The following PDE5A variants were observed in gnomAD, a reference collection of about 807,000 sequenced individuals.
PDE5A encodes phosphodiesterase 5A.
A neutral mutation model predicts 110.2 loss-of-function variants in PDE5A; 67 were observed. That is an observed-to-expected ratio of 0.61 (90% CI 0.50 to 0.75). The LOEUF (loss-of-function observed/expected upper bound fraction) is 0.75. PDE5A is among the 30% of genes least tolerant of loss of function. PDE5A has a pLI of 0.00. For missense variants in PDE5A, 862 were observed against 1,045.1 expected (o/e 0.82, Z 2.42); for synonymous variants, 328 against 351.2 (o/e 0.93, Z 0.74).
chr4:119,592,786 T>A (rs1729024610), intron 3 of PDE5A, among the ~76,000 whole-genome samples: 1 of 152,084 alleles, frequency 6.6e-6, no homozygotes, highest in South Asian at 2.1e-4. Flanking sequence ...TTTCATCTCA[T>A]GAAATGCTTA....
intron 1 of PDE5A, among the ~76,000 whole-genome samples, chr4:119,621,649 GACA>G (rs1730147362): frequency 1.4e-4 from 1 of 7,358 alleles, no homozygotes; most frequent in South Asian, 7.6e-3. Flanking sequence ...TAGATAGATA[GACA>G]GACAGATAGA....
intron 3 of PDE5A, among the ~76,000 whole-genome samples, chr4:119,593,974 C>T (rs1308299094): frequency 5.9e-5 from 9 of 152,160 alleles, no homozygotes; most frequent in South Asian, 2.1e-4. Context: ...CTCACTATCA[C>T]GAACAGCATG....
At chr4:119,599,098 G>A (rs947349751) in intron 2 of PDE5A, among the ~76,000 whole-genome samples, 6 of 152,130 alleles carry the variant, frequency 3.9e-5, no homozygotes, top group African/African-American at 1.4e-4. Context: ...ATACCATATA[G>A]TTGGGGGTAC....
chr4:119,607,252 A>G lies in PDE5A; in HGVS notation c.198T>C (p.Pro66=). The change falls in exon 2 of 21, where the codon CCT becomes CCC. Residue 66 remains proline, a synonymous_variant. Coordinates refer to ENST00000354960, the MANE Select transcript of PDE5A (RefSeq NM_001083.4). ...GGCCTCTGATACCTTCCTTGCACACAGGGATGGTGTGAACTCTCTCAGCAA... is the reference window on the plus strand; with the variant it reads ...GGCCTCTGATACCTTCCTTGCACACGGGGATGGTGTGAACTCTCTCAGCAA... ...AWFAERVHTI[P]VCKEGIRGHT... 1.2e-6 allele frequency: 2 copies of G among 1,613,480 alleles called. No homozygotes were observed. The highest frequency in any genetic ancestry group is 2.2e-5 in the South Asian group (2 of 91,084).
At chr4:119,565,279 T>A (rs778044057) in intron 5 of PDE5A, 42 bp downstream of exon 5, 2 of 1,354,272 alleles carry the variant, frequency 1.5e-6, no homozygotes, top group Non-Finnish European at 2.1e-6. Flanking sequence ...TAACAATTTT[T>A]AAAAAGTATT....
intron 17 of PDE5A, 27 bp from the exon 18 acceptor site, chr4:119,504,626 C>T (rs1414647520): frequency 1.3e-6 from 2 of 1,588,446 alleles, no homozygotes; most frequent in African/African-American, 2.7e-5. Context: ...AAACCCAAAA[C>T]TCCTATTTAC....
At chr4:119,521,615 A>G (rs1270353228) in intron 12 of PDE5A, among the ~76,000 whole-genome samples, 2 of 151,626 alleles carry the variant, frequency 1.3e-5, no homozygotes, top group Non-Finnish European at 3.0e-5. Flanking sequence ...GAGCTACAAG[A>G]CAATGCCGTC....
intron 6 of PDE5A, among the ~76,000 whole-genome samples, chr4:119,561,888 A>G (rs1167315696): frequency 6.6e-6 from 1 of 152,206 alleles, no homozygotes; most frequent in Non-Finnish European, 1.5e-5. Flanking sequence ...ATCTAAATCA[A>G]CTAAAATTTC....
In PDE5A at chr4:119,507,597, A is replaced by AACTT; in HGVS notation, c.2189+3_2189+6dup. 1 of 1,516,828 alleles carries AACTT rather than the reference A, an allele frequency of 6.6e-7. No homozygotes were observed. Among genetic ancestry groups the AACTT allele is most frequent in the Non-Finnish European group, 9.0e-7 (1 of 1,115,662 alleles). 94.0% of individuals were successfully genotyped at this position (1,516,828 alleles called of 1,614,324 possible). A position where few individuals can be genotyped will look rare whatever the true frequency, so the allele number is the denominator to read the frequency against. On this transcript the variant is annotated splice_region_variant and intron_variant, in intron 16 of 20. Coordinates refer to ENST00000354960, the MANE Select transcript of PDE5A (RefSeq NM_001083.4). ...ACCTATTTCTCAGGTTATTTCTTAA[A>AACTT]ACTTACTTAATGTACAGTGCTAGGT...
intron 2 of PDE5A, among the ~76,000 whole-genome samples, chr4:119,597,093 T>C (rs549642291): frequency 1.3e-5 from 2 of 152,238 alleles, no homozygotes; most frequent in South Asian, 4.1e-4. Context: ...TATACACATA[T>C]ATACACAATC....
chr4:119,582,141 C>G (rs1222876099), intron 3 of PDE5A, among the ~76,000 whole-genome samples: 1 of 152,222 alleles, frequency 6.6e-6, no homozygotes, highest in Non-Finnish European at 1.5e-5. Flanking sequence ...CACAGTAGAA[C>G]TTCTTTCAAA....
chr4:119,545,407 A>G (rs1281916289), intron 9 of PDE5A, among the ~76,000 whole-genome samples: 1 of 152,222 alleles, frequency 6.6e-6, no homozygotes, highest in East Asian at 1.9e-4. Context: ...AGAATAATTT[A>G]TATTTAAAAA....
chr4:119,526,556 AC>A (rs1726326430), intron 11 of PDE5A, among the ~76,000 whole-genome samples: 1 of 152,132 alleles, frequency 6.6e-6, no homozygotes, highest in Admixed American at 6.6e-5. Context: ...AACTGGACCA[AC>A]GGAGGCCTTT....
chr4:119,558,866 G>A (rs1384504841), intron 7 of PDE5A, among the ~76,000 whole-genome samples: 1 of 135,252 alleles, frequency 7.4e-6, no homozygotes, highest in Non-Finnish European at 1.5e-5. Flanking sequence ...GCAGTGAGCC[G>A]AGATCCCGCC....
At chr4:119,599,293 C>T (rs190501288) in intron 2 of PDE5A, among the ~76,000 whole-genome samples, 1 of 152,094 alleles carries the variant, frequency 6.6e-6, no homozygotes, top group East Asian at 1.9e-4. Flanking sequence ...AAAATCACCA[C>T]ATATGTAAAG....
chr4:119,537,307 T>A (rs1726759616), intron 11 of PDE5A, among the ~76,000 whole-genome samples: 1 of 152,174 alleles, frequency 6.6e-6, no homozygotes, highest in Admixed American at 6.6e-5. Flanking sequence ...TATATTCATT[T>A]CTTCCACCAT....
intron 3 of PDE5A, 42 bp downstream of exon 3, chr4:119,596,481 A>C (rs188837272): frequency 1.8e-6 from 2 of 1,137,566 alleles, no homozygotes; most frequent in African/African-American, 3.1e-5. Context: ...CAAAAAGAAA[A>C]ATATTTCCAA....
intron 9 of PDE5A, chr4:119,543,917 TC>T (rs1431688809): frequency 2.6e-5 from 4 of 152,216 alleles, no homozygotes; most frequent in Non-Finnish European, 5.9e-5. Flanking sequence ...TTTCTCTCTC[TC>T]TTTCTAGACT....
intron 2 of PDE5A, among the ~76,000 whole-genome samples, chr4:119,605,262 C>G (rs898040927): frequency 2.4e-4 from 37 of 152,162 alleles, no homozygotes; most frequent in African/African-American, 8.9e-4. Context: ...TCTAACTTCT[C>G]TTTACCTCTG....
Sources: allele counts gnomAD v4.1 joint callset (sites outside exome capture counted in the v4.1 genomes callset), GRCh38; gene constraint gnomAD v4.1.1; transcripts MANE v1.5; gene names NCBI Gene and HGNC (gene_info 2026-07-23, HGNC 2026-07-21).